RAB33B: variants seen among roughly 807,000 people sequenced by gnomAD.
RAB33B encodes RAB33B, member RAS oncogene family.
A neutral mutation model predicts 15.0 loss-of-function variants in RAB33B; 6 were observed. That is an observed-to-expected ratio of 0.40 (90% CI 0.22 to 0.79). The LOEUF is 0.79. Ranked by LOEUF, RAB33B falls within the 30% of genes least tolerant of loss-of-function variation. The probability of loss-of-function intolerance (pLI) is 0.37; values close to 1 mark genes in which losing one functional copy is unlikely to be tolerated. For missense variants in RAB33B, 257 were observed against 296.4 expected, an observed-to-expected ratio of 0.87 and a Z score of 0.98; for synonymous variants, 117 against 108.3, an observed-to-expected ratio of 1.08 and a Z score of -0.50.
rs1206938913 is a variant in RAB33B at position 139,472,884 on chromosome 4, T to C, written c.448T>C (p.Cys150Arg). 9 of 1,614,056 alleles carry C rather than the reference T, an allele frequency of 5.6e-6. No individual in the cohort carries two copies. The highest frequency in any genetic ancestry group is 1.7e-5 in the Admixed American group (1 of 59,988). Reference sequence around the variant, plus strand: ...ACCACGGATTCTTGTTGGAAATAAATGTGACTTGAGAAGTGCCATACAGGT... The same window carrying C: ...ACCACGGATTCTTGTTGGAAATAAACGTGACTTGAGAAGTGCCATACAGGT... ...DIPRILVGNK[C>R]DLRSAIQVPT... The change falls in exon 2 of 2, where the codon TGT becomes CGT. Residue 150 changes from cysteine (C) to arginine (R), a missense_variant. Cys to Arg is a radical substitution (Grantham distance 180). Coordinates refer to ENST00000305626, the MANE Select transcript of RAB33B (RefSeq NM_031296.3).
chr4:139,455,384 C>G (rs920285202), intron 1 of RAB33B, among the ~76,000 whole-genome samples: 1 of 152,178 alleles, frequency 6.6e-6, no homozygotes, highest in African/African-American at 2.4e-5. Context: ...TCGTCTTTAT[C>G]TCAGTCTCTT....
At chr4:139,461,977 A>G (rs1579176379) in intron 1 of RAB33B, among the ~76,000 whole-genome samples, 1 of 152,002 alleles carries the variant, frequency 6.6e-6, no homozygotes, top group African/African-American at 2.4e-5. Context: ...TTAAATTCCA[A>G]TATCAAGTTT....
chr4:139,475,918 T>A lies in RAB33B; in HGVS notation c.*2792T>A, dbSNP rs1381234730. The A allele has an allele frequency of 6.6e-6, 1 of 152,182 alleles. No individual in the cohort carries two copies. 9.4% of individuals were successfully genotyped at this position (152,182 alleles called of 1,614,324 possible). A position where few individuals can be genotyped will look rare whatever the true frequency, so the allele number is the denominator to read the frequency against. On this transcript the variant is annotated 3_prime_UTR_variant, in exon 2 of 2. Coordinates refer to ENST00000305626, the MANE Select transcript of RAB33B (RefSeq NM_031296.3). ...TAAACCAGCTTAGCCACAAAGAAAT[T>A]GTGTTTTATTTTCTTTGTTTGGTTA...
intron 1 of RAB33B, among the ~76,000 whole-genome samples, chr4:139,459,264 A>T (rs1041908610): frequency 1.3e-5 from 2 of 151,848 alleles, no homozygotes; most frequent in Non-Finnish European, 2.9e-5. Flanking sequence ...GTGAAGCCCC[A>T]TCTTTACCAA....
At chr4:139,462,027 G>A (rs1383315473) in intron 1 of RAB33B, among the ~76,000 whole-genome samples, 1 of 149,888 alleles carries the variant, frequency 6.7e-6, no homozygotes, top group Non-Finnish European at 1.5e-5. Context: ...AATACTAATA[G>A]TAGATTCTTG....
At chr4:139,455,891 C>T (rs13142394) in intron 1 of RAB33B, among the ~76,000 whole-genome samples, 41,889 of 151,896 alleles carry the variant, frequency 0.28, 6,173 homozygotes, top group African/African-American at 0.37. Context: ...GGATGGGCTG[C>T]GTGTCCTTAC....
At chr4:139,443,533 A>C in the RAB33B span, among the ~76,000 whole-genome samples, 1 of 152,196 alleles carries the variant, frequency 6.6e-6, no homozygotes, top group African/African-American at 2.4e-5. Context: ...GACTGTCCTA[A>C]GTGAGAGTCT....
chr4:139,453,854 T>C (rs886059073), upstream of RAB33B: 34 of 196,588 alleles, frequency 1.7e-4, no homozygotes, highest in Non-Finnish European at 3.4e-4. Context: ...GCTGGGTCAG[T>C]CAGGGCGCTG....
chr4:139,472,846 T>A lies in RAB33B; in HGVS notation c.410T>A (p.Leu137Gln). 6.2e-7 allele frequency: 1 copy of A among 1,614,190 alleles called. No homozygotes were observed. The highest frequency in any genetic ancestry group is 1.1e-5 in the South Asian group (1 of 91,088). Residue 137 changes from leucine (L) to glutamine (Q), a missense_variant, in exon 2 of 2, where the codon CTA (leucine) becomes CAA (glutamine). Transcript: ENST00000305626. ...ATAGAAGAATGCAAACAACATTTGC[T>A]AGCCAATGATATACCACGGATTCTT... is the stretch of plus-strand genomic sequence containing the variant. ...SWIEECKQHLLANDIPRILVG... is the reference protein window; with the variant it reads ...SWIEECKQHLQANDIPRILVG...
chr4:139,446,739 G>C, the RAB33B span, among the ~76,000 whole-genome samples: 1 of 152,176 alleles, frequency 6.6e-6, no homozygotes, highest in Non-Finnish European at 1.5e-5. Context: ...ATGGGCCCAC[G>C]AACAAAGTGG....
At chr4:139,454,027 C>T, upstream of RAB33B, 1 of 738,712 alleles carries the variant, frequency 1.4e-6, no homozygotes. Context: ...CCTGTGCGGG[C>T]AAGGGCGGGG....
intron 1 of RAB33B, among the ~76,000 whole-genome samples, chr4:139,463,221 A>T (rs533033711): frequency 1.3e-5 from 2 of 152,290 alleles, no homozygotes; most frequent in Admixed American, 1.3e-4. Context: ...TTGGAGTGCA[A>T]TGGTGCGATG....
chr4:139,441,730 A>G, the RAB33B span, among the ~76,000 whole-genome samples: 1 of 152,244 alleles, frequency 6.6e-6, no homozygotes, highest in Non-Finnish European at 1.5e-5. Context: ...ACTAAAATCT[A>G]TAACATTTTT....
upstream of RAB33B, chr4:139,451,106 T>C (rs1453092869): frequency 6.6e-6 from 1 of 152,090 alleles, no homozygotes; most frequent in Non-Finnish European, 1.5e-5. Flanking sequence ...TTCGCCACGT[T>C]GGCCAGGCTG....
upstream of RAB33B, chr4:139,452,421 C>T (rs997123752): frequency 6.6e-6 from 1 of 152,144 alleles, no homozygotes; most frequent in Non-Finnish European, 1.5e-5. Flanking sequence ...GTTTTTTTCA[C>T]CATCCTTGAA....
chr4:139,466,055 A>G (rs897838571), intron 1 of RAB33B, among the ~76,000 whole-genome samples: 11 of 152,252 alleles, frequency 7.2e-5, no homozygotes, highest in African/African-American at 2.4e-4. Flanking sequence ...GTGCTGTCCA[A>G]GCTGGTTTCA....
chr4:139,463,416 G>T (rs915216110), intron 1 of RAB33B, among the ~76,000 whole-genome samples: 6 of 152,182 alleles, frequency 3.9e-5, no homozygotes, highest in African/African-American at 1.4e-4. Flanking sequence ...GATGACAGGT[G>T]TGAGCCACCA....
chr4:139,464,994 C>T (rs1322782994), intron 1 of RAB33B, among the ~76,000 whole-genome samples: 3 of 152,218 alleles, frequency 2.0e-5, no homozygotes, highest in African/African-American at 7.2e-5. Context: ...AAGTAGTTTA[C>T]AGTCCCACCA....
upstream of RAB33B, chr4:139,450,617 C>T (rs1388388959): frequency 6.6e-6 from 1 of 152,228 alleles, no homozygotes; most frequent in Non-Finnish European, 1.5e-5. Flanking sequence ...AAACATCCTA[C>T]AATGCACAGG....
Sources: allele counts gnomAD v4.1 joint callset (sites outside exome capture counted in the v4.1 genomes callset), GRCh38; gene constraint gnomAD v4.1.1; transcripts MANE v1.5; gene names NCBI Gene and HGNC (gene_info 2026-07-23, HGNC 2026-07-21).